The following CTNNA3 variants were observed in gnomAD, a reference collection of about 807,000 sequenced individuals.
CTNNA3 encodes the protein catenin alpha-3.
A neutral mutation model predicts 95.7 loss-of-function variants in CTNNA3; 76 were observed. The ratio of observed to expected loss-of-function variants is 0.79; its 90% CI spans 0.66 to 0.96. The LOEUF (loss-of-function observed/expected upper bound fraction) is 0.96, where lower values mean the gene tolerates loss of function less well. Among genes scored for constraint, CTNNA3 ranks in the 40% least tolerant of loss-of-function variants. The pLI is 0.00. For synonymous variants in CTNNA3, 431 were observed against 374.4 expected (o/e 1.15, Z -1.74); for missense variants, 1,191 against 1,089.8 (o/e 1.09, Z -1.31).
At chr10:66,740,355 G>A (rs1304544899) in intron 9 of CTNNA3, among the ~76,000 whole-genome samples, 1 of 152,182 alleles carries the variant, frequency 6.6e-6, no homozygotes, top group Non-Finnish European at 1.5e-5. Flanking sequence ...GCATCTGTGA[G>A]GCTCTGGGGT....
chr10:65,931,635 T>C (rs2077255105), intron 17 of CTNNA3, among the ~76,000 whole-genome samples: 1 of 152,218 alleles, frequency 6.6e-6, no homozygotes, highest in Non-Finnish European at 1.5e-5. Flanking sequence ...TAAGTGAATA[T>C]CAGAGGTTGG....
intron 5 of CTNNA3, among the ~76,000 whole-genome samples, chr10:67,455,136 G>A (rs1396441248): frequency 6.6e-6 from 1 of 152,004 alleles, no homozygotes; most frequent in African/African-American, 2.4e-5. Flanking sequence ...CTATTATACT[G>A]CATGGCATCA....
chr10:66,258,334 C>A (rs529547030), intron 13 of CTNNA3, among the ~76,000 whole-genome samples: 1 of 152,162 alleles, frequency 6.6e-6, no homozygotes, highest in Non-Finnish European at 1.5e-5. Context: ...GCCTCTCTAG[C>A]GCTCCTGAAG....
chr10:67,580,840 C>G (rs1298891795), intron 3 of CTNNA3, among the ~76,000 whole-genome samples: 10 of 152,086 alleles, frequency 6.6e-5, no homozygotes, highest in Non-Finnish European at 1.5e-5. Context: ...GGAGTTCACT[C>G]ATGATTTGGC....
At chr10:66,008,322 G>C (rs563561731) in intron 15 of CTNNA3, among the ~76,000 whole-genome samples, 245 of 152,278 alleles carry the variant, frequency 1.6e-3, no homozygotes, top group African/African-American at 5.8e-3. Context: ...TTACACACTG[G>C]TGCTGAATAA....
At position 66,937,491 on chromosome 10, in the gene CTNNA3, C is replaced by T. The variant is rs577129177; in HGVS notation, c.1048-161967G>A. On this transcript the variant is annotated intron_variant, in intron 7 of 17. Coordinates refer to ENST00000433211, the MANE Select transcript of CTNNA3 (RefSeq NM_013266.4). ...CTAAAAATCTCAGTACCACAATGCG[C>T]TTTGAAAGTCATATTACACTACCTA... Among the ~76,000 whole-genome samples, 87 of 152,244 alleles carry T rather than the reference C, an allele frequency of 5.7e-4. 1 individual carries two copies. The highest frequency in any genetic ancestry group is 1.9e-3 in the African/African-American group (81 of 41,558).
At chr10:67,728,031 G>GATATATAATTATAATT (rs1383515100) in intron 1 of CTNNA3, among the ~76,000 whole-genome samples, 2 of 135,348 alleles carry the variant, frequency 1.5e-5, no homozygotes, top group Non-Finnish European at 1.5e-5. Flanking sequence ...TATTATATAT[G>GATATATAATTATAATT]ATATATAATT....
chr10:67,208,883 G>A (rs1166079741), intron 6 of CTNNA3, among the ~76,000 whole-genome samples: 1 of 151,962 alleles, frequency 6.6e-6, no homozygotes, highest in African/African-American at 2.4e-5. Context: ...CTAATAAAAA[G>A]GAAGCCAAGA....
At chr10:67,286,789 C>A (rs543940962) in intron 5 of CTNNA3, among the ~76,000 whole-genome samples, 7 of 152,178 alleles carry the variant, frequency 4.6e-5, no homozygotes, top group Non-Finnish European at 8.8e-5. Flanking sequence ...TAAAATTCTA[C>A]AACACAGAAC....
At chr10:66,283,180 T>C (rs1292677315) in intron 12 of CTNNA3, among the ~76,000 whole-genome samples, 1 of 151,832 alleles carries the variant, frequency 6.6e-6, no homozygotes, top group African/African-American at 2.4e-5. Flanking sequence ...AAACTACTAC[T>C]CTAAAGAACA....
chr10:66,444,552 G>A (rs572092392), intron 11 of CTNNA3, among the ~76,000 whole-genome samples: 2 of 152,174 alleles, frequency 1.3e-5, no homozygotes, highest in African/African-American at 4.8e-5. Context: ...TTTCAACCCA[G>A]AATTTCATAT....
chr10:67,281,640 T>C (rs1408919820), intron 5 of CTNNA3, among the ~76,000 whole-genome samples: 1 of 152,156 alleles, frequency 6.6e-6, no homozygotes, highest in Admixed American at 6.6e-5. Context: ...AAAAATTAAT[T>C]TTCCAAGATA....
At chr10:66,978,544 A>T (rs1157974344) in intron 7 of CTNNA3, among the ~76,000 whole-genome samples, 4 of 75,586 alleles carry the variant, frequency 5.3e-5, no homozygotes, top group East Asian at 4.3e-4. Flanking sequence ...AAAAAAAAAA[A>T]AAAAAAAAAT....
chr10:66,572,322 A>G (rs909270228), intron 10 of CTNNA3, among the ~76,000 whole-genome samples: 2 of 151,672 alleles, frequency 1.3e-5, no homozygotes, highest in African/African-American at 2.4e-5. Context: ...GGCGGAGGTT[A>G]CAGTGAGCCA....
At chr10:67,307,706 A>G (rs1213392532) in intron 5 of CTNNA3, among the ~76,000 whole-genome samples, 1 of 152,116 alleles carries the variant, frequency 6.6e-6, no homozygotes, top group Admixed American at 6.5e-5. Flanking sequence ...ACCTCTTTCT[A>G]AGACTGAGTG....
chr10:67,049,415 G>C (rs1854950618), intron 7 of CTNNA3, among the ~76,000 whole-genome samples: 1 of 152,004 alleles, frequency 6.6e-6, no homozygotes, highest in African/African-American at 2.4e-5. Flanking sequence ...GAATTTCTAA[G>C]CCACATACAA....
In CTNNA3 at chr10:65,913,388, A is replaced by C. The variant is rs901309324; in HGVS notation, c.*6942T>G. On this transcript the variant is annotated 3_prime_UTR_variant, in exon 18 of 18. Coordinates refer to ENST00000433211, the MANE Select transcript of CTNNA3 (RefSeq NM_013266.4). ...ACTAAATTGGGCATAAAATATGTCT[A>C]CTTCTGTTTTCAGGAACTTGTTAGT... 3.9e-5 allele frequency: 6 copies of C among 152,122 alleles called. No homozygotes were observed. Among genetic ancestry groups the C allele is most frequent in the African/African-American group, 1.4e-4 (6 of 41,432 alleles). The allele number at this position is 152,122 out of a possible 1,614,324, so 9.4% of individuals were successfully genotyped here.
intron 14 of CTNNA3, among the ~76,000 whole-genome samples, chr10:66,089,759 A>AAT (rs35629436): frequency 0.035 from 5,160 of 148,862 alleles, 117 homozygotes; most frequent in East Asian, 0.07. Context: ...ATCTCAGAGA[A>AAT]ATATATATAT....
chr10:67,082,058 T>C (rs900541198), intron 7 of CTNNA3, among the ~76,000 whole-genome samples: 2 of 152,220 alleles, frequency 1.3e-5, no homozygotes, highest in African/African-American at 4.8e-5. Context: ...AAGTTTAAGC[T>C]GGACCCAAAG....
Sources: gnomAD v4.1 joint callset for allele counts (sites outside exome capture counted in the v4.1 genomes callset) on GRCh38, gnomAD v4.1.1 for gene constraint, MANE v1.5 for transcripts, NCBI Gene and HGNC (gene_info 2026-07-23, HGNC 2026-07-21) for gene names.